The following MAP3K1 variants were observed in gnomAD, a reference collection of about 807,000 sequenced individuals.
MAP3K1 encodes mitogen-activated protein kinase kinase kinase 1.
Under a neutral mutation model 144.2 loss-of-function variants are expected in MAP3K1, and 36 were observed. That is an observed-to-expected ratio of 0.25 (90% CI 0.19 to 0.33). The LOEUF (loss-of-function observed/expected upper bound fraction) is 0.33. MAP3K1 is among the 10% of genes least tolerant of loss of function. The probability of loss-of-function intolerance (pLI) is 1.00; values close to 1 mark genes in which losing one functional copy is unlikely to be tolerated. For synonymous variants in MAP3K1, 718 were observed against 688.7 expected (o/e 1.04, Z -0.67); for missense variants, 1,650 against 1,881.9 (o/e 0.88, Z 2.28).
At chr5:56,865,673 C>G (rs368525887) in intron 5 of MAP3K1, among the ~76,000 whole-genome samples, 156 bp from the exon 6 acceptor site, 3 of 150,608 alleles carry the variant, frequency 2.0e-5, no homozygotes, top group African/African-American at 7.3e-5. Context: ...AGAATGTTGT[C>G]CTTAGTAAAA....
intron 1 of MAP3K1, among the ~76,000 whole-genome samples, chr5:56,823,525 G>C (rs1746218186): frequency 6.6e-6 from 1 of 152,224 alleles, no homozygotes; most frequent in South Asian, 2.1e-4. Context: ...CTAGCAGGAT[G>C]CCTGGCATAG....
chr5:56,887,586 A>G (rs1040570452), intron 18 of MAP3K1, 66 bp downstream of exon 18: 16 of 1,556,560 alleles, frequency 1.0e-5, no homozygotes, highest in Non-Finnish European at 1.4e-5. Flanking sequence ...GCATTATACT[A>G]AATTATCTTG....
At chr5:56,845,482 C>T (rs1746961622) in intron 1 of MAP3K1, among the ~76,000 whole-genome samples, 1 of 151,860 alleles carries the variant, frequency 6.6e-6, no homozygotes, top group Admixed American at 6.6e-5. Flanking sequence ...ACACCCCTCC[C>T]CCCACAGTAG....
chr5:56,888,419 G>A, intron 19 of MAP3K1, 62 bp downstream of exon 19: 1 of 1,507,378 alleles, frequency 6.6e-7, no homozygotes, highest in South Asian at 1.1e-5. Context: ...TTTGGCAGGA[G>A]GCAAATTTTG....
At chr5:56,889,896 C>CA (rs1561205555) in intron 19 of MAP3K1, among the ~76,000 whole-genome samples, 1 of 152,162 alleles carries the variant, frequency 6.6e-6, no homozygotes, top group African/African-American at 2.4e-5. Context: ...ATAACCTCCT[C>CA]AGTCACCTCT....
In MAP3K1 at chr5:56,875,134, T is replaced by C; in HGVS notation, c.1789T>C (p.Leu597=). The change falls in exon 10 of 20, where the codon TTG becomes CTG. Residue 597 remains leucine (L), a synonymous_variant. Transcript: ENST00000399503. ...CCATGATGTCAGTGGGGCCCTGCTG[T>C]TGGCAAATGGGGAGAGCACTGGAAA... is the stretch of plus-strand genomic sequence containing the variant. ...LSHDVSGALL[L]ANGESTGNSG... is the part of the protein sequence containing the mutation. 6.2e-7 allele frequency: 1 copy of C among 1,614,130 alleles called. No individual in the cohort carries two copies. Among genetic ancestry groups the C allele is most frequent in the Non-Finnish European group, 8.5e-7 (1 of 1,180,002 alleles).
rs1392646304 is a variant in MAP3K1, at chr5:56,815,927, C to A, written c.354C>A (p.Ser118Arg). The change falls in exon 1 of 20, where the codon AGC becomes AGA. Residue 118 changes from serine to arginine, a missense_variant. By Grantham distance (110) the Ser-to-Arg change is moderately radical. Transcript: ENST00000399503. ...VAVPPPHGAASRGGAHLTESV... is the reference protein window; with the variant it reads ...VAVPPPHGAARRGGAHLTESV... ...TGCCGCCGCCCCACGGAGCCGCGAG[C>A]CGCGGCGGCGCCCACCTTACCGAGT... 1 of 1,261,138 alleles carries A rather than the reference C, an allele frequency of 7.9e-7. No homozygotes were observed. Among genetic ancestry groups the A allele is most frequent in the Non-Finnish European group, 9.9e-7 (1 of 1,005,770 alleles). The allele number at this position is 1,261,138 out of a possible 1,614,324, so 78.1% of individuals were successfully genotyped here.
chr5:56,881,592 T>A lies in MAP3K1; in HGVS notation c.2392T>A (p.Leu798Ile). ...CAGGTATAAGAAGCTGCTGTCCCTC[T>A]TAACCTTTGCTTTGCAGTCCATTGA... ...EIRYKKLLSLLTFALQSIDNS... is the reference protein window; with the variant it reads ...EIRYKKLLSLITFALQSIDNS... The change falls in exon 14 of 20, where the codon TTA (leucine) becomes ATA (isoleucine). Residue 798 changes from leucine to isoleucine, a missense_variant. Physicochemically the swap from Leu to Ile is conservative, Grantham distance 5. Around this residue, in one of 6 missense-constraint regions of MAP3K1, gnomAD observed 841 missense variants for 886.5 expected, o/e 0.95. Coordinates refer to ENST00000399503, the MANE Select transcript of MAP3K1 (RefSeq NM_005921.2). 4 of 1,613,680 alleles carry A rather than the reference T, an allele frequency of 2.5e-6. No homozygotes were observed. The highest frequency in any genetic ancestry group is 3.4e-6 in the Non-Finnish European group (4 of 1,179,702).
At chr5:56,837,708 T>C (rs886409668) in intron 1 of MAP3K1, among the ~76,000 whole-genome samples, 4 of 152,242 alleles carry the variant, frequency 2.6e-5, no homozygotes, top group African/African-American at 9.6e-5. Flanking sequence ...ACATATTTAT[T>C]GACTACCACC....
At chr5:56,891,027 CAGTG>C (rs1306963661) in intron 19 of MAP3K1, among the ~76,000 whole-genome samples, 2 of 152,010 alleles carry the variant, frequency 1.3e-5, no homozygotes, top group African/African-American at 4.8e-5. Flanking sequence ...GCCTGGGTGA[CAGTG>C]AGAGCGAGAC....
chr5:56,837,375 CT>C (rs1381587866), intron 1 of MAP3K1, among the ~76,000 whole-genome samples: 5 of 152,112 alleles, frequency 3.3e-5, no homozygotes, highest in African/African-American at 1.2e-4. Flanking sequence ...TTCTTAGCTT[CT>C]TTACTGACCA....
At chr5:56,880,830 T>C (rs371710096) in intron 12 of MAP3K1, 28 bp downstream of exon 12, 1 of 1,538,878 alleles carries the variant, frequency 6.5e-7, no homozygotes, top group African/African-American at 1.4e-5. Flanking sequence ...AAAAGGAATA[T>C]AGCATATTTT....
Position 56,872,978 on chromosome 5 carries a change from C to T in MAP3K1, c.1659C>T (p.Tyr553=). Residue 553 remains tyrosine (Y), a synonymous_variant, in exon 9 of 20, where the codon TAC becomes TAT. Coordinates refer to ENST00000399503, the MANE Select transcript of MAP3K1 (RefSeq NM_005921.2). ...HYGTQQIPPA[Y]KDLAEPWIQV... Reference sequence around the variant, plus strand: ...GAACTCAGCAAATCCCTCCTGCTTACAAAGATTTAGCTGAGCCATGGATTC... The same window carrying T: ...GAACTCAGCAAATCCCTCCTGCTTATAAAGATTTAGCTGAGCCATGGATTC... 6.2e-7 allele frequency: 1 copy of T among 1,613,968 alleles called. No individual in the cohort carries two copies. Among genetic ancestry groups the T allele is most frequent in the East Asian group, 2.2e-5 (1 of 44,852 alleles).
In MAP3K1 at chr5:56,884,690, T is replaced by G. The variant is rs375842337; in HGVS notation, c.3846T>G (p.Ser1282=). 4.3e-6 allele frequency: 7 copies of G among 1,613,734 alleles called. No homozygotes were observed. The Admixed American group carries it at 1.0e-4, about 23-fold the overall frequency. The change falls in exon 16 of 20, where the codon TCT becomes TCG. Residue 1282 remains serine, a synonymous_variant. Transcript: ENST00000399503. ...KQVTYVRNTS[S]EQEEVVEALR... Reference sequence around the variant, plus strand: ...TGACTTATGTCAGAAACACATCTTCTGAGCAAGAAGAAGTAGTAGAAGCAC... The same window carrying G: ...TGACTTATGTCAGAAACACATCTTCGGAGCAAGAAGAAGTAGTAGAAGCAC...
rs1360224351 is a variant in MAP3K1, at chr5:56,815,589, G to A, written c.16G>A (p.Gly6Arg). 8.5e-6 allele frequency: 11 copies of A among 1,299,034 alleles called. No individual in the cohort carries two copies. Among genetic ancestry groups the A allele is most frequent in the Non-Finnish European group, 1.1e-5 (11 of 1,026,632 alleles). 80.5% of individuals were successfully genotyped at this position (1,299,034 alleles called of 1,614,324 possible). The change falls in exon 1 of 20, where the codon GGG (glycine) becomes AGG (arginine). Residue 6 changes from glycine (G) to arginine (R), a missense_variant. This residue lies in a region of MAP3K1 where 360 missense variants were observed against 274.7 expected (regional missense o/e 1.31). Transcript: ENST00000399503. MAAAA[G>R]NRASSSGFPG... The stretch of plus-strand genomic sequence containing the variant: ...GCGAGAGAAAATGGCGGCGGCGGCG[G>A]GGAATCGCGCCTCGTCGTCGGGATT...
At chr5:56,858,282 C>G (rs1408910822) in intron 2 of MAP3K1, among the ~76,000 whole-genome samples, 1 of 152,180 alleles carries the variant, frequency 6.6e-6, no homozygotes, top group East Asian at 1.9e-4. Context: ...TAAATCACAA[C>G]TTTTTAAAAA....
At position 56,893,978 on chromosome 5, in the gene MAP3K1, T is replaced by C. The variant is rs1748628381; in HGVS notation, c.*298T>C. 2.3e-6 allele frequency: 1 copy of C among 439,416 alleles called. No individual in the cohort carries two copies. 27.2% of individuals were successfully genotyped at this position (439,416 alleles called of 1,614,324 possible). On this transcript the variant is annotated 3_prime_UTR_variant, in exon 20 of 20. Coordinates refer to ENST00000399503, the MANE Select transcript of MAP3K1 (RefSeq NM_005921.2). ...AAATTGCAGAAGCATAATTTTATTT[T>C]TTTGGAGCACTTTTTCAGCAATATT...
rs201780112 is a variant in MAP3K1 at position 56,864,714 on chromosome 5, T to TA, written c.835-11dup. On this transcript the variant is annotated intron_variant, in intron 3 of 19. Coordinates refer to ENST00000399503, the MANE Select transcript of MAP3K1 (RefSeq NM_005921.2). ...ATTAAGAAATGAGAAACGTACCTAA[T>TA]AAAAAAAAATGTTGTGAAGTTTCAG... 4.0e-3 allele frequency: 6,412 copies of TA among 1,593,732 alleles called. 186 individuals carry two copies. The African/African-American group carries it at 0.067, about 17-fold the overall frequency.
intron 14 of MAP3K1, among the ~76,000 whole-genome samples, chr5:56,883,206 G>GGACCATACTAA (rs1441007607): frequency 2.6e-5 from 4 of 152,030 alleles, no homozygotes; most frequent in Non-Finnish European, 5.9e-5. Flanking sequence ...GAGCTTCCTT[G>GGACCATACTAA]GACCATACTA....
Sources: gnomAD v4.1 joint callset for allele counts (sites outside exome capture counted in the v4.1 genomes callset) on GRCh38, gnomAD v4.1.1 for gene constraint, gnomAD v4.1.1 regional missense constraint, MANE v1.5 for transcripts, NCBI Gene and HGNC (gene_info 2026-07-23, HGNC 2026-07-21) for gene names.